DOCK3: variants seen among roughly 807,000 people sequenced by gnomAD.
DOCK3 encodes dedicator of cytokinesis protein 3.
Under a neutral mutation model 265.6 loss-of-function variants are expected in DOCK3, and 60 were observed. The ratio of observed to expected loss-of-function variants is 0.23; its 90% CI spans 0.18 to 0.28. DOCK3 has a LOEUF of 0.28. DOCK3 is among the 10% of genes least tolerant of loss of function. The probability of loss-of-function intolerance (pLI) is 1.00; values close to 1 mark genes in which losing one functional copy is unlikely to be tolerated. For synonymous variants in DOCK3, 881 were observed against 938.0 expected, an observed-to-expected ratio of 0.94 and a Z score of 1.11; for missense variants, 1,981 against 2,594.3, an observed-to-expected ratio of 0.76 and a Z score of 5.14.
intron 9 of DOCK3, among the ~76,000 whole-genome samples, chr3:51,113,191 A>G (rs2083594174): frequency 6.6e-6 from 1 of 152,170 alleles, no homozygotes; most frequent in Non-Finnish European, 1.5e-5. Context: ...ATATATATAT[A>G]TATAACTGGC....
chr3:51,345,409 G>C (rs903324992), intron 38 of DOCK3, among the ~76,000 whole-genome samples: 5 of 152,266 alleles, frequency 3.3e-5, no homozygotes, highest in Admixed American at 6.5e-5. Flanking sequence ...CTACGAGTTT[G>C]AGACCAGCCG....
chr3:51,182,365 T>G (rs574675853), intron 12 of DOCK3, among the ~76,000 whole-genome samples: 1 of 152,286 alleles, frequency 6.6e-6, no homozygotes, highest in East Asian at 1.9e-4. Flanking sequence ...TTGCTGCTAT[T>G]AGGTTGGTGC....
intron 22 of DOCK3, among the ~76,000 whole-genome samples, chr3:51,250,911 G>A (rs976060266): frequency 6.6e-6 from 1 of 152,160 alleles, no homozygotes; most frequent in Non-Finnish European, 1.5e-5. Flanking sequence ...GGATACATGT[G>A]CACAACGTGC....
At chr3:50,764,232 A>G (rs1487864791) in intron 1 of DOCK3, among the ~76,000 whole-genome samples, 2 of 152,142 alleles carry the variant, frequency 1.3e-5, no homozygotes, top group South Asian at 4.1e-4. Context: ...ATATTATTGC[A>G]TAATAAACAG....
At chr3:51,000,578 T>G (rs2078443785) in intron 5 of DOCK3, among the ~76,000 whole-genome samples, 1 of 152,244 alleles carries the variant, frequency 6.6e-6, no homozygotes, top group South Asian at 2.1e-4. Context: ...GTTCTGACAA[T>G]GTTGATTCTA....
intron 5 of DOCK3, 140 bp downstream of exon 5, chr3:50,934,217 A>G (rs1337452031): frequency 3.2e-6 from 2 of 633,230 alleles, no homozygotes; most frequent in Non-Finnish European, 5.2e-6. Flanking sequence ...TTACTGAAAC[A>G]TAGCAGACTG....
intron 5 of DOCK3, among the ~76,000 whole-genome samples, chr3:51,027,497 A>G (rs571195200): frequency 2.0e-5 from 3 of 151,940 alleles, no homozygotes; most frequent in Non-Finnish European, 4.4e-5. Context: ...TTTCTTTGTT[A>G]GTTTTTTGCC....
intron 12 of DOCK3, among the ~76,000 whole-genome samples, chr3:51,184,492 G>C (rs1235640376): frequency 6.6e-6 from 1 of 150,900 alleles, no homozygotes; most frequent in Non-Finnish European, 1.5e-5. Flanking sequence ...TATATCAAAG[G>C]AACATTGAAG....
rs34449511 is a variant in DOCK3 at position 51,049,793 on chromosome 3, CCA to C, written c.316-14621_316-14620del. ...TTATGTGTAGAAAGCCCTAATGGGTCCACACACACACACACACACACACACAC... is the reference window on the plus strand; with the variant it reads ...TTATGTGTAGAAAGCCCTAATGGGTCCACACACACACACACACACACACAC... On this transcript the variant is annotated intron_variant, in intron 5 of 52. Transcript: ENST00000266037. 8.2e-3 allele frequency among the ~76,000 whole-genome samples: 1,211 copies of C among 147,250 alleles called. 22 individuals carry two copies. The highest frequency in any genetic ancestry group is 0.036 in the Admixed American group (532 of 14,744).
intron 1 of DOCK3, among the ~76,000 whole-genome samples, chr3:50,760,790 T>G (rs1385890351): frequency 1.3e-5 from 2 of 152,078 alleles, no homozygotes; most frequent in African/African-American, 4.8e-5. Context: ...TTCTTTTTTT[T>G]TTTTTCTTTT....
intron 5 of DOCK3, among the ~76,000 whole-genome samples, chr3:51,063,596 T>G (rs1402535376): frequency 6.6e-6 from 1 of 152,200 alleles, no homozygotes; most frequent in Non-Finnish European, 1.5e-5. Context: ...GAAGCATTAT[T>G]TATAGATCAG....
intron 32 of DOCK3, among the ~76,000 whole-genome samples, chr3:51,320,947 G>T (rs550041780): frequency 6.6e-6 from 1 of 152,186 alleles, no homozygotes; most frequent in African/African-American, 2.4e-5. Context: ...AGAGAGCAGC[G>T]AATCTCCCAC....
At chr3:51,380,229 C>T (rs1441122488) in intron 52 of DOCK3, 22 bp downstream of exon 52, 13 of 1,604,566 alleles carry the variant, frequency 8.1e-6, no homozygotes, top group African/African-American at 2.7e-5. Flanking sequence ...AAGCGGCAGC[C>T]CCACCAGGCT....
At position 51,338,426 on chromosome 3, in the gene DOCK3, G is replaced by A. The variant is rs1488749714; in HGVS notation, c.3672+7G>A. 1.9e-6 allele frequency: 3 copies of A among 1,551,806 alleles called. No individual in the cohort carries two copies. The highest frequency in any genetic ancestry group is 2.6e-6 in the Non-Finnish European group (3 of 1,147,056). On this transcript the variant is annotated splice_region_variant and intron_variant, in intron 36 of 52. Coordinates refer to ENST00000266037, the MANE Select transcript of DOCK3 (RefSeq NM_004947.5). The stretch of plus-strand genomic sequence containing the variant: ...CTGCACTGTTAACCTGATGGTGAGA[G>A]GACATGGGCCCTGACTTCTCTCTGC...
At chr3:50,762,393 A>G (rs1001552696) in intron 1 of DOCK3, among the ~76,000 whole-genome samples, 6 of 152,206 alleles carry the variant, frequency 3.9e-5, no homozygotes, top group African/African-American at 1.4e-4. Flanking sequence ...GTTAAAACTA[A>G]CATTATTCAC....
chr3:50,919,259 A>G (rs924912895), intron 4 of DOCK3, among the ~76,000 whole-genome samples: 3 of 152,104 alleles, frequency 2.0e-5, no homozygotes, highest in Admixed American at 6.5e-5. Flanking sequence ...TTTTGGTTCT[A>G]TATGAACTTT....
intron 22 of DOCK3, among the ~76,000 whole-genome samples, chr3:51,250,335 T>G (rs961534720): frequency 2.0e-5 from 3 of 150,962 alleles, no homozygotes; most frequent in Non-Finnish European, 4.4e-5. Flanking sequence ...AAAACAAAAC[T>G]TGGCTGGCCG....
At chr3:50,959,448 C>T (rs967079761) in intron 5 of DOCK3, among the ~76,000 whole-genome samples, 2 of 151,790 alleles carry the variant, frequency 1.3e-5, no homozygotes, top group Non-Finnish European at 2.9e-5. Flanking sequence ...CACTTATTCT[C>T]CCTGTATAAC....
chr3:51,051,752 CT>C, intron 5 of DOCK3, among the ~76,000 whole-genome samples: 1 of 152,266 alleles, frequency 6.6e-6, no homozygotes, highest in Non-Finnish European at 1.5e-5. Context: ...GTTCTGCAGA[CT>C]GTACAAGCAA....
Sources: allele counts gnomAD v4.1 joint callset (sites outside exome capture counted in the v4.1 genomes callset), GRCh38; gene constraint gnomAD v4.1.1; transcripts MANE v1.5; gene names NCBI Gene and HGNC (gene_info 2026-07-23, HGNC 2026-07-21).